KCNJ3: variants seen among roughly 807,000 people sequenced by gnomAD.
KCNJ3 encodes the protein G protein-activated inward rectifier potassium channel 1.
Under a neutral mutation model 39.2 loss-of-function variants are expected in KCNJ3, and 4 were observed. The observed-to-expected ratio is 0.10, with a 90% CI of 0.05 to 0.23. KCNJ3 has a LOEUF of 0.23. Ranked by LOEUF, KCNJ3 falls within the 10% of genes least tolerant of loss-of-function variation. The pLI is 1.00. For missense variants in KCNJ3, 276 were observed against 634.9 expected (o/e 0.43, Z 6.08); for synonymous variants, 230 against 237.4 (o/e 0.97, Z 0.29).
chr2:154,715,269 A>C (rs945278942), intron 2 of KCNJ3, among the ~76,000 whole-genome samples: 1 of 152,180 alleles, frequency 6.6e-6, no homozygotes, highest in Admixed American at 6.5e-5. Context: ...ATTTGTGTAC[A>C]ACACTACTTT....
At chr2:154,761,062 C>CTTTTTT (rs11375045) in intron 2 of KCNJ3, among the ~76,000 whole-genome samples, 5 of 133,926 alleles carry the variant, frequency 3.7e-5, no homozygotes, top group Non-Finnish European at 6.3e-5. Flanking sequence ...TTAATTTTTT[C>CTTTTTT]TTTTTTTTTT....
At chr2:154,765,349 A>T (rs939048942) in intron 2 of KCNJ3, among the ~76,000 whole-genome samples, 10 of 152,200 alleles carry the variant, frequency 6.6e-5, no homozygotes, top group Admixed American at 3.3e-4. Flanking sequence ...CGTCTATCAA[A>T]GTCTCCTTTG....
chr2:154,748,942 C>T (rs1022329097), intron 2 of KCNJ3, among the ~76,000 whole-genome samples: 2 of 152,128 alleles, frequency 1.3e-5, no homozygotes, highest in Non-Finnish European at 2.9e-5. Context: ...TTGCAAGGCA[C>T]TTTGCAAGTT....
At chr2:154,758,877 G>C (rs1377277385) in intron 2 of KCNJ3, among the ~76,000 whole-genome samples, 1 of 152,116 alleles carries the variant, frequency 6.6e-6, no homozygotes, top group Non-Finnish European at 1.5e-5. Context: ...TAAGGAAAAG[G>C]GTGTTCTAAA....
intron 2 of KCNJ3, among the ~76,000 whole-genome samples, chr2:154,843,214 C>A (rs1321946103): frequency 1.3e-5 from 2 of 152,080 alleles, no homozygotes; most frequent in African/African-American, 2.4e-5. Flanking sequence ...TTGGCTGGAT[C>A]TGAAATTCTG....
intron 2 of KCNJ3, among the ~76,000 whole-genome samples, chr2:154,733,901 T>G (rs1260891169): frequency 6.6e-6 from 1 of 152,070 alleles, no homozygotes; most frequent in Admixed American, 6.6e-5. Flanking sequence ...TGACATGTGT[T>G]TGTTGGTGTT....
At chr2:154,787,153 A>C (rs1242526948) in intron 2 of KCNJ3, among the ~76,000 whole-genome samples, 1 of 152,090 alleles carries the variant, frequency 6.6e-6, no homozygotes, top group Admixed American at 6.6e-5. Flanking sequence ...AAAGAAAAGA[A>C]CTTTTAATAT....
At position 154,854,350 on chromosome 2, in the gene KCNJ3, TTG is replaced by T. The variant is rs375717434; in HGVS notation, c.920-375_920-374del. On this transcript the variant is annotated intron_variant, in intron 2 of 2. Coordinates refer to ENST00000295101, the MANE Select transcript of KCNJ3 (RefSeq NM_002239.4). ...TTAAAGTTTAGATTCAAAATCAGAT[TTG>T]TTTTATTTATGACACTGTTTCTTAA... 4.8e-3 allele frequency among the ~76,000 whole-genome samples: 734 copies of T among 152,288 alleles called. 10 individuals are homozygous for T. The highest frequency in any genetic ancestry group is 0.017 in the African/African-American group (704 of 41,568).
At chr2:154,813,539 G>T (rs754455549) in intron 2 of KCNJ3, among the ~76,000 whole-genome samples, 7 of 151,816 alleles carry the variant, frequency 4.6e-5, no homozygotes, top group African/African-American at 2.4e-5. Flanking sequence ...AGTGAATTCT[G>T]GTAGAACATA....
chr2:154,754,883 TAGC>T (rs1393859062), intron 2 of KCNJ3, among the ~76,000 whole-genome samples: 2 of 152,166 alleles, frequency 1.3e-5, no homozygotes, highest in Admixed American at 6.5e-5. Flanking sequence ...AGTTTTAAAG[TAGC>T]AGGTTTTAAT....
At chr2:154,837,551 T>C (rs1227640054) in intron 2 of KCNJ3, among the ~76,000 whole-genome samples, 1 of 152,186 alleles carries the variant, frequency 6.6e-6, no homozygotes, top group African/African-American at 2.4e-5. Flanking sequence ...AGACTTTTAT[T>C]ATTCAAAAAG....
chr2:154,823,315 C>G (rs1574475461), intron 2 of KCNJ3, among the ~76,000 whole-genome samples: 1 of 149,438 alleles, frequency 6.7e-6, no homozygotes, highest in East Asian at 2.0e-4. Context: ...ATTAGAAGGG[C>G]AGAAGGAGAT....
rs555199343 is a variant in KCNJ3, at chr2:154,845,792, G to A, written c.920-8935G>A. The stretch of plus-strand genomic sequence containing the variant: ...TCGAGACCAGCCTGGTCAATATGGT[G>A]AAACCCTTTCTCTACTGAAAATACA... On this transcript the variant is annotated intron_variant, in intron 2 of 2. Coordinates refer to ENST00000295101, the MANE Select transcript of KCNJ3 (RefSeq NM_002239.4). Among the ~76,000 whole-genome samples the A allele has an allele frequency of 3.5e-3, 526 of 152,156 alleles. 2 individuals are homozygous for A. The highest frequency in any genetic ancestry group is 6.8e-3 in the Middle Eastern group (2 of 292).
chr2:154,851,517 CT>C (rs1353013235), intron 2 of KCNJ3, among the ~76,000 whole-genome samples: 11 of 152,148 alleles, frequency 7.2e-5, no homozygotes, highest in Admixed American at 2.0e-4. Context: ...GTTGTTATCT[CT>C]AGTTGATAAA....
chr2:154,726,831 A>T lies in KCNJ3; in HGVS notation c.919+17012A>T, dbSNP rs1286023135. Among the ~76,000 whole-genome samples, 5 of 138,980 alleles carry T rather than the reference A, an allele frequency of 3.6e-5. No homozygotes were observed. The South Asian group carries it at 1.1e-3, about 30-fold the overall frequency. 91.2% of individuals were successfully genotyped at this position (138,980 alleles called of 152,430 possible). A position where few individuals can be genotyped will look rare whatever the true frequency, so the allele number is the denominator to read the frequency against. ...CACACACACACACACACACACACAC[A>T]CACATACACCATGGAATACTACTCA... On this transcript the variant is annotated intron_variant, in intron 2 of 2. Transcript: ENST00000295101.
intron 2 of KCNJ3, among the ~76,000 whole-genome samples, chr2:154,778,391 A>C (rs757242339): frequency 6.6e-6 from 1 of 152,160 alleles, no homozygotes; most frequent in Non-Finnish European, 1.5e-5. Context: ...CAACAGATCA[A>C]ATTATCCCTT....
chr2:154,726,796 TACACACACACACACACACACAC>T (rs58366846), intron 2 of KCNJ3, among the ~76,000 whole-genome samples: 1 of 115,378 alleles, frequency 8.7e-6, no homozygotes, highest in Non-Finnish European at 1.9e-5. Flanking sequence ...TTTATATACA[TACACACACACACACACACACAC>T]ACACACACAC....
intron 2 of KCNJ3, among the ~76,000 whole-genome samples, chr2:154,758,358 A>T (rs762305976): frequency 1.8e-4 from 27 of 152,144 alleles, no homozygotes; most frequent in Non-Finnish European, 3.5e-4. Context: ...TCTGTAAGGG[A>T]TTGCTATGAG....
chr2:154,710,061 G>A (rs2105151893), intron 2 of KCNJ3, among the ~76,000 whole-genome samples: 1 of 152,170 alleles, frequency 6.6e-6, no homozygotes, highest in South Asian at 2.1e-4. Flanking sequence ...AAAGTGGGAT[G>A]ACTTCTTATA....
Sources: gnomAD v4.1 joint callset for allele counts (sites outside exome capture counted in the v4.1 genomes callset) on GRCh38, gnomAD v4.1.1 for gene constraint, MANE v1.5 for transcripts, NCBI Gene and HGNC (gene_info 2026-07-23, HGNC 2026-07-21) for gene names.